Variants in SIMC1 observed in about 807,000 individuals in gnomAD.
The protein encoded by SIMC1 is SUMO-interacting motif-containing protein 1.
SIMC1 carries 55 observed loss-of-function variants against 82.3 expected under a neutral mutation model. The observed-to-expected ratio is 0.67, with a 90% CI of 0.54 to 0.84. SIMC1 has a LOEUF of 0.84. Ranked by LOEUF, SIMC1 falls within the 40% of genes least tolerant of loss-of-function variation. SIMC1 has a pLI of 0.00. For missense variants in SIMC1, 915 were observed against 1,107.2 expected (o/e 0.83, Z 2.46); for synonymous variants, 353 against 426.3 (o/e 0.83, Z 2.12).
intron 4 of SIMC1, among the ~76,000 whole-genome samples, chr5:176,303,269 A>T (rs1249748153): frequency 0.065 from 410 of 6,302 alleles, 2 homozygotes; most frequent in African/African-American, 0.1. Context: ...CTCTGTCTTT[A>T]AAAAAAAAAA....
intron 1 of SIMC1, among the ~76,000 whole-genome samples, chr5:176,244,712 T>C (rs1761378132): frequency 6.7e-6 from 1 of 149,334 alleles, no homozygotes; most frequent in Non-Finnish European, 1.5e-5. Flanking sequence ...GTTTCTTTTT[T>C]TTTTTCCTTT....
At chr5:176,309,876 G>A (rs563385197) in intron 4 of SIMC1, among the ~76,000 whole-genome samples, 1 of 152,192 alleles carries the variant, frequency 6.6e-6, no homozygotes, top group East Asian at 1.9e-4. Flanking sequence ...TTGAGGCTGC[G>A]GTGAGCTATG....
chr5:176,274,993 G>A (rs950254229), intron 1 of SIMC1, among the ~76,000 whole-genome samples: 1 of 151,738 alleles, frequency 6.6e-6, no homozygotes, highest in African/African-American at 2.4e-5. Context: ...CTTTAAAGTA[G>A]TTTTTCCAAT....
chr5:176,330,471 T>C (rs570177120), intron 7 of SIMC1, among the ~76,000 whole-genome samples: 1 of 151,174 alleles, frequency 6.6e-6, no homozygotes, highest in African/African-American at 2.4e-5. Flanking sequence ...TTAGGTAAAG[T>C]ACAAGATGAG....
At chr5:176,282,852 A>G (rs1010112408) in intron 1 of SIMC1, among the ~76,000 whole-genome samples, 34 of 152,246 alleles carry the variant, frequency 2.2e-4, no homozygotes, top group African/African-American at 7.5e-4. Context: ...GCTGAAAACC[A>G]TGACACGAGA....
intron 4 of SIMC1, among the ~76,000 whole-genome samples, chr5:176,305,712 G>T (rs1262437688): frequency 1.2e-5 from 1 of 85,090 alleles, no homozygotes; most frequent in African/African-American, 4.7e-5. Context: ...GAGGTGGGGG[G>T]GTCAGCCCCC....
intron 4 of SIMC1, among the ~76,000 whole-genome samples, chr5:176,307,907 T>G (rs1177938705): frequency 6.6e-6 from 1 of 152,136 alleles, no homozygotes; most frequent in Non-Finnish European, 1.5e-5. Flanking sequence ...CCAACAAAAA[T>G]GAAAACCTGT....
At chr5:176,292,143 A>C (rs1326989871) in intron 2 of SIMC1, among the ~76,000 whole-genome samples, 1 of 152,218 alleles carries the variant, frequency 6.6e-6, no homozygotes, top group African/African-American at 2.4e-5. Flanking sequence ...AGAGATAATA[A>C]TACTCTATCA....
chr5:176,301,480 C>CA (rs753079840), intron 4 of SIMC1, among the ~76,000 whole-genome samples: 10 of 151,972 alleles, frequency 6.6e-5, no homozygotes, highest in Non-Finnish European at 1.5e-4. Context: ...AAAGCCAGAT[C>CA]AAAAAAACTA....
intron 4 of SIMC1, among the ~76,000 whole-genome samples, chr5:176,305,730 C>T (rs1581282875): frequency 1.3e-5 from 1 of 79,356 alleles, no homozygotes; most frequent in Non-Finnish European, 2.7e-5. Flanking sequence ...CCCCGCCCGG[C>T]CAGCCGCCCC....
rs190007389 is a variant in SIMC1, at chr5:176,327,698, C to T, written c.2171+2941C>T. On this transcript the variant is annotated intron_variant, in intron 7 of 9. Coordinates refer to ENST00000429602, the MANE Select transcript of SIMC1 (RefSeq NM_001308195.2). The stretch of plus-strand genomic sequence containing the variant: ...TAGGGTGAAAACATTCAGTTTTTGA[C>T]TATTAAGTGTGATGTTAGCTATAAA... 9.5e-4 allele frequency among the ~76,000 whole-genome samples: 144 copies of T among 152,222 alleles called. 1 individual carries two copies. Among genetic ancestry groups the T allele is most frequent in the African/African-American group, 3.4e-3 (140 of 41,548 alleles).
intron 1 of SIMC1, among the ~76,000 whole-genome samples, chr5:176,279,932 G>GA (rs967937510): frequency 7.2e-4 from 109 of 152,202 alleles, no homozygotes; most frequent in Non-Finnish European, 1.2e-3. Flanking sequence ...GTGCGGTGCT[G>GA]AAAAAAATGT....
At chr5:176,293,815 T>C (rs569850443) in intron 2 of SIMC1, among the ~76,000 whole-genome samples, 1 of 152,150 alleles carries the variant, frequency 6.6e-6, no homozygotes, top group African/African-American at 2.4e-5. Flanking sequence ...ACTTTAAAAT[T>C]GTTTAATTCT....
chr5:176,303,314 T>A (rs1454758922), intron 4 of SIMC1, among the ~76,000 whole-genome samples: 1 of 140,336 alleles, frequency 7.1e-6, no homozygotes, highest in Admixed American at 7.7e-5. Flanking sequence ...GGACACCAAA[T>A]AGCCAAAGCA....
At chr5:176,281,832 C>A (rs548022563) in intron 1 of SIMC1, among the ~76,000 whole-genome samples, 2 of 152,266 alleles carry the variant, frequency 1.3e-5, no homozygotes, top group South Asian at 2.1e-4. Context: ...GTGTCAGTCT[C>A]CCCCTACTTG....
chr5:176,317,156 G>A (rs1160809104), intron 5 of SIMC1, among the ~76,000 whole-genome samples: 1 of 152,146 alleles, frequency 6.6e-6, no homozygotes, highest in Non-Finnish European at 1.5e-5. Flanking sequence ...CTGAGTTGGT[G>A]ATTACAAGGA....
At chr5:176,331,965 TA>T (rs199606912) in intron 7 of SIMC1, among the ~76,000 whole-genome samples, 22 of 142,978 alleles carry the variant, frequency 1.5e-4, no homozygotes, top group Admixed American at 2.8e-4. Context: ...CAAGACTGTC[TA>T]AAAAAAAAAA....
intron 7 of SIMC1, among the ~76,000 whole-genome samples, chr5:176,332,867 A>G (rs1196953441): frequency 6.6e-6 from 1 of 152,238 alleles, no homozygotes; most frequent in Non-Finnish European, 1.5e-5. Context: ...AAGCCAAGAT[A>G]TAGAACATTT....
chr5:176,286,960 A>G (rs56136019), intron 1 of SIMC1, among the ~76,000 whole-genome samples: 21,378 of 152,206 alleles, frequency 0.14, 1,515 homozygotes, highest in Middle Eastern at 0.21. Flanking sequence ...AATGGCAATC[A>G]TTAAAAAGTC....
Sources: gnomAD v4.1 joint callset for allele counts (sites outside exome capture counted in the v4.1 genomes callset) on GRCh38, gnomAD v4.1.1 for gene constraint, MANE v1.5 for transcripts, NCBI Gene and HGNC (gene_info 2026-07-23, HGNC 2026-07-21) for gene names.